The following ABCC1 variants were observed in gnomAD, a reference collection of about 807,000 sequenced individuals.
ABCC1 encodes multidrug resistance-associated protein 1.
Under a neutral mutation model 172.9 loss-of-function variants are expected in ABCC1, and 83 were observed. The observed-to-expected ratio is 0.48, with a 90% CI of 0.40 to 0.58. The LOEUF is 0.58. ABCC1 is among the 20% of genes least tolerant of loss of function. ABCC1 has a pLI of 0.00. For synonymous variants in ABCC1, 937 were observed against 825.2 expected (o/e 1.14, Z -2.32); for missense variants, 1,817 against 2,002.7 (o/e 0.91, Z 1.77).
At chr16:16,116,431 C>A (rs1286382904) in intron 23 of ABCC1, among the ~76,000 whole-genome samples, 1 of 152,032 alleles carries the variant, frequency 6.6e-6, no homozygotes, top group Non-Finnish European at 1.5e-5. Context: ...TTTTTCTGTA[C>A]ATACATACCT....
At chr16:16,007,779 T>C in intron 1 of ABCC1, 37 bp from the exon 2 acceptor site, 2 of 1,578,536 alleles carry the variant, frequency 1.3e-6, no homozygotes, top group Non-Finnish European at 8.6e-7. Flanking sequence ...CTCTGGGGTG[T>C]GTCCTGCTGA....
intron 13 of ABCC1, among the ~76,000 whole-genome samples, chr16:16,069,026 G>A (rs557075091): frequency 6.7e-6 from 1 of 150,044 alleles, no homozygotes. Context: ...CCAACCTTAC[G>A]GCCGGGCATG....
At position 15,965,263 on chromosome 16, in the gene ABCC1, G is replaced by C. The variant is rs189195462; in HGVS notation, c.48+15464G>C. Among the ~76,000 whole-genome samples the C allele has an allele frequency of 3.4e-4, 51 of 151,424 alleles. No individual in the cohort carries two copies. The East Asian group carries it at 9.3e-3, about 28-fold the overall frequency. ...AATTATTATCTGTGGTTTGACATTT[G>C]GGTTGCTGTGTTTTCTTTCTCCTTT... On this transcript the variant is annotated intron_variant, in intron 1 of 30. Coordinates refer to ENST00000399410, the MANE Select transcript of ABCC1 (RefSeq NM_004996.4).
intron 1 of ABCC1, among the ~76,000 whole-genome samples, chr16:15,982,752 G>A (rs2046651129): frequency 7.8e-6 from 1 of 128,330 alleles, no homozygotes; most frequent in South Asian, 2.6e-4. Context: ...ACTGCAGTCA[G>A]CTATGACCAC....
chr16:15,993,306 C>T (rs2046938423), intron 1 of ABCC1, among the ~76,000 whole-genome samples: 1 of 152,148 alleles, frequency 6.6e-6, no homozygotes. Flanking sequence ...CCGGGAACAC[C>T]AGCTCCTGCA....
intron 14 of ABCC1, among the ~76,000 whole-genome samples, chr16:16,072,346 A>G (rs112019354): frequency 5.9e-5 from 9 of 151,850 alleles, no homozygotes; most frequent in African/African-American, 2.2e-4. Flanking sequence ...CCATACTTGG[A>G]TAATATTTTG....
chr16:15,996,162 T>A (rs935223731), intron 1 of ABCC1, among the ~76,000 whole-genome samples: 7 of 152,048 alleles, frequency 4.6e-5, no homozygotes, highest in Admixed American at 2.0e-4. Flanking sequence ...TTTTTGTACA[T>A]TTAGTAGAGA....
Position 15,995,399 on chromosome 16 carries a change from G to A in ABCC1, c.49-12417G>A, listed in dbSNP as rs2047022260. On this transcript the variant is annotated intron_variant, in intron 1 of 30. Coordinates refer to ENST00000399410, the MANE Select transcript of ABCC1 (RefSeq NM_004996.4). ...CGCCCTTTGCTGAAATGTCATCTTG[G>A]CCCAGAGGCCCTTTCTGTCTACCTG... Among the ~76,000 whole-genome samples, 3 of 152,096 alleles carry A rather than the reference G, an allele frequency of 2.0e-5. No individual in the cohort carries two copies. In the South Asian group the frequency reaches 6.2e-4, roughly 32 times the overall value.
intron 16 of ABCC1, 41 bp downstream of exon 16, chr16:16,079,519 G>A (rs1012875173): frequency 2.5e-6 from 4 of 1,586,320 alleles, no homozygotes; most frequent in Non-Finnish European, 3.4e-6. Context: ...GGGGAAGCTG[G>A]TGGTCTGAGG....
At chr16:16,004,428 C>T (rs2047442419) in intron 1 of ABCC1, among the ~76,000 whole-genome samples, 1 of 152,134 alleles carries the variant, frequency 6.6e-6, no homozygotes, top group Admixed American at 6.5e-5. Flanking sequence ...TGACCACCAA[C>T]AGTTTAATCC....
intron 27 of ABCC1, among the ~76,000 whole-genome samples, chr16:16,133,139 G>C (rs1426045319): frequency 6.6e-6 from 1 of 152,190 alleles, no homozygotes; most frequent in Non-Finnish European, 1.5e-5. Flanking sequence ...GTTCCGAGCT[G>C]TTCTTGGAAG....
intron 1 of ABCC1, among the ~76,000 whole-genome samples, chr16:15,977,775 A>G (rs1236184446): frequency 6.6e-6 from 1 of 152,154 alleles, no homozygotes; most frequent in Non-Finnish European, 1.5e-5. Flanking sequence ...ACTTACTTCA[A>G]GAAGCCTGCT....
chr16:15,999,820 CTCTCT>C (rs2047212445), intron 1 of ABCC1, among the ~76,000 whole-genome samples: 1 of 28,168 alleles, frequency 3.6e-5, no homozygotes, highest in African/African-American at 1.6e-4. Context: ...CTCTCTCTCT[CTCTCT>C]CTCTCTCTGT....
intron 19 of ABCC1, among the ~76,000 whole-genome samples, chr16:16,100,362 AG>A (rs1555498514): frequency 5.3e-3 from 36 of 6,770 alleles, no homozygotes; most frequent in Middle Eastern, 0.25. Flanking sequence ...CTGGTAGGAG[AG>A]CGGGGGGGCT....
intron 26 of ABCC1, among the ~76,000 whole-genome samples, chr16:16,128,539 C>G (rs746965824): frequency 3.2e-4 from 48 of 152,118 alleles, no homozygotes; most frequent in Admixed American, 2.0e-3. Context: ...AAGTAATTGT[C>G]CTCATTAGTC....
intron 12 of ABCC1, among the ~76,000 whole-genome samples, chr16:16,057,181 A>T (rs374625526): frequency 1.4e-4 from 16 of 117,762 alleles, no homozygotes; most frequent in African/African-American, 4.7e-4. Context: ...GTTACTGCTT[A>T]AAAAAAAAAA....
At chr16:15,957,827 C>CAG in intron 1 of ABCC1, among the ~76,000 whole-genome samples, 1 of 151,894 alleles carries the variant, frequency 6.6e-6, no homozygotes, top group Non-Finnish European at 1.5e-5. Context: ...CTCTTGACCT[C>CAG]GTGATCCGCC....
chr16:16,072,315 G>C (rs2050378819), intron 14 of ABCC1, among the ~76,000 whole-genome samples: 1 of 151,788 alleles, frequency 6.6e-6, no homozygotes, highest in African/African-American at 2.4e-5. Flanking sequence ...CAAGTAGCTA[G>C]AACTACAGGC....
Position 16,044,503 on chromosome 16 carries a change from G to T in ABCC1, c.863G>T (p.Ser288Ile). 1 of 1,614,238 alleles carries T rather than the reference G, an allele frequency of 6.2e-7. No individual in the cohort carries two copies. Among genetic ancestry groups the T allele is most frequent in the Non-Finnish European group, 8.5e-7 (1 of 1,180,042 alleles). The change falls in exon 8 of 31, where the codon AGT (serine) becomes ATT (isoleucine). Residue 288 changes from serine to isoleucine, a missense_variant. Coordinates refer to ENST00000399410, the MANE Select transcript of ABCC1 (RefSeq NM_004996.4). Reference protein sequence around the residue: ...SSKDPAQPKESSKVDANEEVE... With the variant: ...SSKDPAQPKEISKVDANEEVE... ...AAGGATCCTGCCCAGCCGAAAGAGAGTTCCAAGGTGGATGCGAATGAGGAG... is the reference window on the plus strand; with the variant it reads ...AAGGATCCTGCCCAGCCGAAAGAGATTTCCAAGGTGGATGCGAATGAGGAG...
Sources: allele counts gnomAD v4.1 joint callset (sites outside exome capture counted in the v4.1 genomes callset), GRCh38; gene constraint gnomAD v4.1.1; transcripts MANE v1.5; gene names NCBI Gene and HGNC (gene_info 2026-07-23, HGNC 2026-07-21).